The following COL8A1 variants were observed in gnomAD, a reference collection of about 807,000 sequenced individuals.
COL8A1 encodes collagen alpha-1(VIII) chain.
A neutral mutation model predicts 42.7 loss-of-function variants in COL8A1; 21 were observed. That is an observed-to-expected ratio of 0.49 (90% CI 0.35 to 0.71). The LOEUF is 0.71. Among genes scored for constraint, COL8A1 ranks in the 30% least tolerant of loss-of-function variants. The probability of loss-of-function intolerance (pLI) is 0.01; values close to 1 mark genes in which losing one functional copy is unlikely to be tolerated. For missense variants in COL8A1, 788 were observed against 962.4 expected (o/e 0.82, Z 2.40); for synonymous variants, 367 against 369.1 (o/e 0.99, Z 0.06).
chr3:99,738,990 G>C (rs1940818799), intron 1 of COL8A1, among the ~76,000 whole-genome samples: 1 of 152,150 alleles, frequency 6.6e-6, no homozygotes, highest in South Asian at 2.1e-4. Context: ...CAATTTTCCA[G>C]GTGCTGTCCG....
At chr3:99,760,299 T>C (rs1941342611) in intron 2 of COL8A1, among the ~76,000 whole-genome samples, 1 of 152,144 alleles carries the variant, frequency 6.6e-6, no homozygotes, top group South Asian at 2.1e-4. Flanking sequence ...CCAATCACAT[T>C]CATTTCAGTC....
At chr3:99,730,625 A>T (rs895346275) in intron 1 of COL8A1, among the ~76,000 whole-genome samples, 1 of 152,128 alleles carries the variant, frequency 6.6e-6, no homozygotes, top group African/African-American at 2.4e-5. Context: ...TTCAGTGTGA[A>T]AGGAAAGTCT....
At chr3:99,725,162 G>C (rs1940269074) in intron 1 of COL8A1, among the ~76,000 whole-genome samples, 1 of 152,006 alleles carries the variant, frequency 6.6e-6, no homozygotes, top group African/African-American at 2.4e-5. Flanking sequence ...ATTTTACCTT[G>C]GATTAAGGGC....
intron 1 of COL8A1, 79 bp downstream of exon 1, chr3:99,638,743 T>G (rs1463481981): frequency 6.6e-6 from 1 of 152,192 alleles, no homozygotes; most frequent in African/African-American, 2.4e-5. Flanking sequence ...CCAACGCGTT[T>G]GCTGTTTGGT....
intron 1 of COL8A1, among the ~76,000 whole-genome samples, chr3:99,648,120 C>T (rs535869061): frequency 1.2e-3 from 187 of 152,262 alleles, no homozygotes; most frequent in Middle Eastern, 6.8e-3. Context: ...TCTATATTCC[C>T]CATGTCAACC....
chr3:99,730,602 T>C (rs1044428310), intron 1 of COL8A1, among the ~76,000 whole-genome samples: 1 of 152,108 alleles, frequency 6.6e-6, no homozygotes, highest in Non-Finnish European at 1.5e-5. Context: ...AATGAAACAC[T>C]TTTTTCAACA....
chr3:99,722,472 T>C (rs957403001), intron 1 of COL8A1, among the ~76,000 whole-genome samples: 26 of 152,124 alleles, frequency 1.7e-4, no homozygotes, highest in Non-Finnish European at 3.8e-4. Flanking sequence ...TATATTAAAA[T>C]ATGTAAGTTA....
In COL8A1 at chr3:99,797,930, A is replaced by T. The variant is rs1576481645; in HGVS notation, c.*1794A>T. The T allele has an allele frequency of 1.3e-5, 2 of 152,144 alleles. No individual in the cohort carries two copies. The highest frequency in any genetic ancestry group is 4.1e-4 in the South Asian group (2 of 4,828). The allele number at this position is 152,144 out of a possible 1,614,324, so 9.4% of individuals were successfully genotyped here. A position where few individuals can be genotyped will look rare whatever the true frequency, so the allele number is the denominator to read the frequency against. ...CTAATCTGGTCTCCAAACACCAAAG[A>T]CCCATTTCGAGCCTGCTATTAGCCT... On this transcript the variant is annotated 3_prime_UTR_variant, in exon 4 of 4. Transcript: ENST00000652472.
At chr3:99,760,909 A>C (rs1254611330) in intron 2 of COL8A1, among the ~76,000 whole-genome samples, 2 of 152,216 alleles carry the variant, frequency 1.3e-5, no homozygotes, top group Non-Finnish European at 2.9e-5. Context: ...GGGCTTTTAC[A>C]TAGCCAGCAA....
At chr3:99,652,804 CT>C (rs1185702278) in intron 1 of COL8A1, among the ~76,000 whole-genome samples, 2 of 152,128 alleles carry the variant, frequency 1.3e-5, no homozygotes, top group Non-Finnish European at 2.9e-5. Flanking sequence ...CATTTTAAAC[CT>C]GTCTGTAAAT....
At chr3:99,728,571 C>T (rs1195168347) in intron 1 of COL8A1, among the ~76,000 whole-genome samples, 1 of 152,042 alleles carries the variant, frequency 6.6e-6, no homozygotes, top group Non-Finnish European at 1.5e-5. Context: ...AATAATACAA[C>T]TTTTAACCTC....
chr3:99,673,563 T>C (rs1938607030), intron 1 of COL8A1, among the ~76,000 whole-genome samples: 1 of 152,164 alleles, frequency 6.6e-6, no homozygotes, highest in African/African-American at 2.4e-5. Context: ...AGTCTTTACA[T>C]TTACATAAAA....
At position 99,642,983 on chromosome 3, in the gene COL8A1, C is replaced by T. The variant is rs571376569; in HGVS notation, c.-129+4319C>T. On this transcript the variant is annotated intron_variant, in intron 1 of 3. Transcript: ENST00000652472. Reference sequence around the variant, plus strand: ...TATAACTTCTTGGAAATTAAAAAAACTTTAGAGAATCATAAAAGATAAATG... The same window carrying T: ...TATAACTTCTTGGAAATTAAAAAAATTTTAGAGAATCATAAAAGATAAATG... 3.2e-4 allele frequency among the ~76,000 whole-genome samples: 49 copies of T among 152,248 alleles called. No homozygotes were observed. In the South Asian group the frequency reaches 9.3e-3, roughly 29 times the overall value.
Position 99,798,804 on chromosome 3 carries a change from AAG to A in COL8A1, c.*2671_*2672del, listed in dbSNP as rs900667584. ...AAATGATACTCCATTTAATTTAAAAAAGAGTTTTAAATAATTATCTATGTGCC... is the reference window on the plus strand; with the variant it reads ...AAATGATACTCCATTTAATTTAAAAAAGTTTTAAATAATTATCTATGTGCC... On this transcript the variant is annotated 3_prime_UTR_variant, in exon 4 of 4. Coordinates refer to ENST00000652472, the MANE Select transcript of COL8A1 (RefSeq NM_020351.4). 3 of 152,252 alleles carry A rather than the reference AAG, an allele frequency of 2.0e-5. No individual in the cohort carries two copies. The highest frequency in any genetic ancestry group is 2.1e-4 in the South Asian group (1 of 4,832). The allele number at this position is 152,252 out of a possible 1,614,324, so 9.4% of individuals were successfully genotyped here.
rs1942083054 is a variant in COL8A1, at chr3:99,795,389, C to A, written c.1488C>A (p.Pro496=). 6.4e-7 allele frequency: 1 copy of A among 1,558,650 alleles called. No homozygotes were observed. Among genetic ancestry groups the A allele is most frequent in the African/African-American group, 1.4e-5 (1 of 73,352 alleles). Residue 496 remains proline (P), a synonymous_variant, in exon 4 of 4, where the codon CCC becomes CCA. Coordinates refer to ENST00000652472, the MANE Select transcript of COL8A1 (RefSeq NM_020351.4). ...GIPGDQGLQG[P]PGIPGIGGPS... Reference sequence around the variant, plus strand: ...CAGGGGATCAGGGTTTACAGGGCCCCCCAGGTATCCCAGGGATTGGGGGCC... The same window carrying A: ...CAGGGGATCAGGGTTTACAGGGCCCACCAGGTATCCCAGGGATTGGGGGCC...
At chr3:99,689,884 G>T (rs1306187158) in intron 1 of COL8A1, among the ~76,000 whole-genome samples, 3 of 152,190 alleles carry the variant, frequency 2.0e-5, no homozygotes, top group African/African-American at 7.2e-5. Context: ...ACTGCTCATG[G>T]AGAAATGCTG....
chr3:99,780,640 T>C (rs757517200), intron 2 of COL8A1, among the ~76,000 whole-genome samples: 2 of 152,182 alleles, frequency 1.3e-5, no homozygotes, highest in Admixed American at 6.5e-5. Flanking sequence ...TATGTTCTTG[T>C]AAGTTCTGGT....
intron 2 of COL8A1, among the ~76,000 whole-genome samples, chr3:99,773,559 G>A (rs1236187357): frequency 1.3e-5 from 2 of 151,602 alleles, no homozygotes. Context: ...ATTAACTTGA[G>A]GTCTTTAAAG....
intron 2 of COL8A1, among the ~76,000 whole-genome samples, chr3:99,754,798 C>T (rs901487792): frequency 1.3e-5 from 2 of 152,172 alleles, no homozygotes; most frequent in Non-Finnish European, 1.5e-5. Context: ...CTTTTAGCTC[C>T]TTATCTAAAA....
Sources: gnomAD v4.1 joint callset for allele counts (sites outside exome capture counted in the v4.1 genomes callset) on GRCh38, gnomAD v4.1.1 for gene constraint, MANE v1.5 for transcripts, NCBI Gene and HGNC (gene_info 2026-07-23, HGNC 2026-07-21) for gene names.